Variants in NAV2 observed in about 807,000 individuals in gnomAD.
The protein encoded by NAV2 is helicase, APC down-regulated 1.
A neutral mutation model predicts 223.2 loss-of-function variants in NAV2; 54 were observed. That is an observed-to-expected ratio of 0.24 (90% confidence interval 0.19 to 0.30). The LOEUF is 0.30. NAV2 is among the 10% of genes least tolerant of loss of function. The pLI, the probability that NAV2 is intolerant of heterozygous loss-of-function variation, is 1.00. For synonymous variants in NAV2, 1,279 were observed against 1,239.3 expected, an observed-to-expected ratio of 1.03 and a Z score of -0.67; for missense variants, 2,806 against 3,147.5, an observed-to-expected ratio of 0.89 and a Z score of 2.60.
At chr11:19,709,057 G>C (rs1343605526), upstream of NAV2, among the ~76,000 whole-genome samples, 1 of 152,048 alleles carries the variant, frequency 6.6e-6, no homozygotes, top group East Asian at 1.9e-4. Flanking sequence ...TGTTAACACA[G>C]TATCAGTGTG....
intron 1 of NAV2, chr11:19,777,449 T>G: frequency 2.2e-6 from 1 of 452,682 alleles, no homozygotes; most frequent in Non-Finnish European, 4.4e-6. Context: ...GCCCCTTCCT[T>G]CCTCGCCCTG....
chr11:19,380,841 T>G (rs1403026061), intron 1 of NAV2, among the ~76,000 whole-genome samples: 1 of 152,166 alleles, frequency 6.6e-6, no homozygotes, highest in Non-Finnish European at 1.5e-5. Context: ...TTGCCTGGGA[T>G]TTAGGGTTTT....
intron 1 of NAV2, among the ~76,000 whole-genome samples, chr11:19,568,416 A>T (rs1271259211): frequency 6.6e-6 from 1 of 152,230 alleles, no homozygotes; most frequent in African/African-American, 2.4e-5. Flanking sequence ...GAGGAAGGAC[A>T]TGGAGCAGGC....
chr11:19,407,409 ACATGTGCAAAGAGGATGG>A (rs1337550324), intron 1 of NAV2, among the ~76,000 whole-genome samples: 1 of 152,220 alleles, frequency 6.6e-6, no homozygotes, highest in African/African-American at 2.4e-5. Context: ...ACAAAGGATG[ACATGTGCAAAGAGGATGG>A]CATGTGCAAA....
chr11:19,544,752 C>A (rs935189762), intron 1 of NAV2, among the ~76,000 whole-genome samples: 1 of 152,222 alleles, frequency 6.6e-6, no homozygotes, highest in Non-Finnish European at 1.5e-5. Flanking sequence ...CATAAAAGAA[C>A]GAGCCCCAGC....
chr11:19,798,771 C>T (rs1241466887), intron 1 of NAV2, among the ~76,000 whole-genome samples: 2 of 152,286 alleles, frequency 1.3e-5, no homozygotes, highest in South Asian at 2.1e-4. Flanking sequence ...TGTAACTTGC[C>T]TGGTGTTACC....
At position 19,631,159 on chromosome 11, in the gene NAV2, G is replaced by A. The variant is rs182693480; in HGVS notation, c.76-201325G>A. Reference sequence around the variant, plus strand: ...TTAGGGTACATGTGCACAATGTGCAGGTTAGTTACATATGTATACATGTGC... The same window carrying A: ...TTAGGGTACATGTGCACAATGTGCAAGTTAGTTACATATGTATACATGTGC... On this transcript the variant is annotated intron_variant, in intron 1 of 37. Transcript: ENST00000360655. 2.8e-3 allele frequency among the ~76,000 whole-genome samples: 426 copies of A among 150,732 alleles called. 3 individuals are homozygous for A. Among genetic ancestry groups the A allele is most frequent in the African/African-American group, 1.0e-2 (408 of 40,994 alleles).
intron 6 of NAV2, among the ~76,000 whole-genome samples, chr11:19,925,019 A>T (rs1365357572): frequency 6.6e-6 from 1 of 151,992 alleles, no homozygotes; most frequent in East Asian, 1.9e-4. Flanking sequence ...TGTGGTTTTG[A>T]TTTGCTTTCT....
At chr11:19,803,230 C>T (rs2058367612) in intron 1 of NAV2, among the ~76,000 whole-genome samples, 1 of 152,200 alleles carries the variant, frequency 6.6e-6, no homozygotes, top group African/African-American at 2.4e-5. Flanking sequence ...AACTAAACAA[C>T]AGAATCACCA....
intron 1 of NAV2, among the ~76,000 whole-genome samples, chr11:19,658,712 A>G (rs1297812684): frequency 2.6e-5 from 4 of 152,148 alleles, no homozygotes; most frequent in African/African-American, 9.7e-5. Context: ...GTCTCTTGCT[A>G]ATTCTGCATT....
chr11:19,568,909 C>T (rs981747635), intron 1 of NAV2, among the ~76,000 whole-genome samples: 3 of 152,194 alleles, frequency 2.0e-5, no homozygotes, highest in Admixed American at 1.3e-4. Flanking sequence ...CCCTGGGTCT[C>T]CTACGCATCT....
Position 19,948,714 on chromosome 11 carries a change from C to T in NAV2, c.2279C>T (p.Thr760Ile). 11 of 1,590,084 alleles carry T rather than the reference C, an allele frequency of 6.9e-6. No homozygotes were observed. The highest frequency in any genetic ancestry group is 6.9e-6 in the Non-Finnish European group (8 of 1,163,372). ...AGCACATTGGAAACCACGTTTGACA[C>T]CAATGTCACCACGGAGATGAGTGGC... ...THSTLETTFD[T>I]NVTTEMSGRS... is the part of the protein sequence containing the mutation. The change falls in exon 10 of 38, where the codon ACC (threonine) becomes ATC (isoleucine). Residue 760 changes from threonine (T) to isoleucine (I), a missense_variant. Around this residue, in one of 4 missense-constraint regions of NAV2, gnomAD observed 1,167 missense variants for 1,180.5 expected, o/e 0.99. Transcript: ENST00000349880.
chr11:19,953,056 CAT>C (rs946423426), intron 10 of NAV2, among the ~76,000 whole-genome samples: 1 of 152,036 alleles, frequency 6.6e-6, no homozygotes, highest in African/African-American at 2.4e-5. Flanking sequence ...ATCTTCTACT[CAT>C]ATTCTAAAAA....
chr11:19,459,951 T>A (rs561089970), intron 1 of NAV2, among the ~76,000 whole-genome samples: 1 of 152,276 alleles, frequency 6.6e-6, no homozygotes, highest in South Asian at 2.1e-4. Context: ...CTTATCAGCA[T>A]GGTGTAGTGG....
chr11:19,703,454 G>A (rs926993388), intron 1 of NAV2, among the ~76,000 whole-genome samples: 4 of 152,194 alleles, frequency 2.6e-5, no homozygotes, highest in Non-Finnish European at 4.4e-5. Flanking sequence ...TGGGGAGGTG[G>A]GGAGCATCGC....
Position 19,660,571 on chromosome 11 carries a change from A to G in NAV2, c.76-171913A>G, listed in dbSNP as rs574425759. Among the ~76,000 whole-genome samples the G allele has an allele frequency of 4.6e-5, 7 of 152,230 alleles. No individual in the cohort carries two copies. In the South Asian group the frequency reaches 1.5e-3, roughly 32 times the overall value. ...CTGGAAAGAGCATCAGATCCCAACA[A>G]AAGTCAGGATAACCCAACCACCTCT... On this transcript the variant is annotated intron_variant, in intron 1 of 37. Coordinates refer to the NAV2 transcript ENST00000360655.
At chr11:19,960,171 G>A (rs545010079) in intron 10 of NAV2, among the ~76,000 whole-genome samples, 148 of 152,284 alleles carry the variant, frequency 9.7e-4, no homozygotes, top group African/African-American at 1.9e-3. Flanking sequence ...AAGCTGGACC[G>A]TTTGATACTG....
chr11:20,054,543 A>G (rs908213988), intron 18 of NAV2, among the ~76,000 whole-genome samples: 2 of 152,220 alleles, frequency 1.3e-5, no homozygotes, highest in African/African-American at 4.8e-5. Context: ...TGATACTGTA[A>G]TCAATAATTT....
chr11:19,908,480 A>G (rs897448927), intron 6 of NAV2, among the ~76,000 whole-genome samples: 1 of 152,224 alleles, frequency 6.6e-6, no homozygotes, highest in African/African-American at 2.4e-5. Flanking sequence ...AAATGCCTCT[A>G]TCCTCTGCAG....
Sources: gnomAD v4.1 joint callset for allele counts (sites outside exome capture counted in the v4.1 genomes callset) on GRCh38, gnomAD v4.1.1 for gene constraint, gnomAD v4.1.1 regional missense constraint, MANE v1.5 for transcripts, NCBI Gene and HGNC (gene_info 2026-07-23, HGNC 2026-07-21) for gene names.